Variants in LPAR1 observed in about 807,000 individuals in gnomAD.
LPAR1 encodes lysophosphatidic acid receptor 1, also known as LPA receptor 1.
Under a neutral mutation model 23.8 loss-of-function variants are expected in LPAR1, and 5 were observed. The observed-to-expected ratio is 0.21, with a 90% CI of 0.11 to 0.44. The LOEUF is 0.44. Ranked by LOEUF, LPAR1 falls within the 20% of genes least tolerant of loss-of-function variation. LPAR1 has a pLI of 0.99. For missense variants in LPAR1, 311 were observed against 482.8 expected, an observed-to-expected ratio of 0.64 and a Z score of 3.33; for synonymous variants, 160 against 164.7, an observed-to-expected ratio of 0.97 and a Z score of 0.22.
At chr9:111,025,509 T>G (rs1453925908) in intron 2 of LPAR1, among the ~76,000 whole-genome samples, 2 of 152,258 alleles carry the variant, frequency 1.3e-5, no homozygotes, top group Non-Finnish European at 2.9e-5. Context: ...CTGTTCACTC[T>G]GATGATAGTT....
At chr9:110,903,882 C>CAAAAAAAAAAAAAAAAA (rs61456167) in intron 5 of LPAR1, among the ~76,000 whole-genome samples, 1 of 77,252 alleles carries the variant, frequency 1.3e-5, no homozygotes, top group Non-Finnish European at 2.4e-5. Context: ...AAGTGAATTG[C>CAAAAAAAAAAAAAAAAA]AAAAAAAAAA....
intron 5 of LPAR1, among the ~76,000 whole-genome samples, chr9:110,928,437 T>C (rs760766713): frequency 1.3e-5 from 2 of 152,176 alleles, no homozygotes; most frequent in Non-Finnish European, 2.9e-5. Flanking sequence ...TCTGCCACTC[T>C]AAATAAGTAG....
intron 2 of LPAR1, among the ~76,000 whole-genome samples, chr9:110,976,970 C>G (rs12341928): frequency 5.9e-5 from 9 of 152,094 alleles, no homozygotes; most frequent in African/African-American, 2.2e-4. Context: ...GCCAGATTAC[C>G]AAAGAAATGA....
chr9:110,956,509 A>AAG (rs1564160370), intron 4 of LPAR1, among the ~76,000 whole-genome samples: 61 of 151,508 alleles, frequency 4.0e-4, no homozygotes, highest in African/African-American at 1.3e-3. Context: ...AGGATCAACC[A>AAG]AAGAAGTTAG....
rs1186318362 is a variant in LPAR1, at chr9:110,959,170, C to CAAAAAAAAAAAAAAAAAA, written c.45+12902_45+12903insTTTTTTTTTTTTTTTTTT. ...AAAAAACAGTATGAAGATGTCTCTA[C>CAAAAAAAAAAAAAAAAAA]AAAAAAAAAAAAAAACCACTAAAAC... is the stretch of plus-strand genomic sequence containing the variant. On this transcript the variant is annotated intron_variant, in intron 4 of 5. Coordinates refer to ENST00000683809, the MANE Select transcript of LPAR1 (RefSeq NM_001351411.2). Among the ~76,000 whole-genome samples, 14 of 81,156 alleles carry CAAAAAAAAAAAAAAAAAA rather than the reference C, an allele frequency of 1.7e-4. 1 individual carries two copies. Among genetic ancestry groups the CAAAAAAAAAAAAAAAAAA allele is most frequent in the African/African-American group, 6.2e-4 (12 of 19,318 alleles). The allele number at this position is 81,156 out of a possible 152,430, so 53.2% of individuals were successfully genotyped here.
intron 2 of LPAR1, among the ~76,000 whole-genome samples, chr9:110,993,652 T>C (rs1184376580): frequency 6.6e-6 from 1 of 152,198 alleles, no homozygotes; most frequent in African/African-American, 2.4e-5. Flanking sequence ...AATGTGTGTG[T>C]TGCACAGTGA....
intron 5 of LPAR1, among the ~76,000 whole-genome samples, chr9:110,930,981 T>C (rs1397072372): frequency 2.0e-5 from 3 of 152,150 alleles, no homozygotes; most frequent in African/African-American, 7.2e-5. Context: ...TAAGTAAATA[T>C]TGTCTGACAA....
At chr9:110,886,191 T>A in intron 5 of LPAR1, among the ~76,000 whole-genome samples, 1 of 103,438 alleles carries the variant, frequency 9.7e-6, no homozygotes. Flanking sequence ...AGAGCAAAAA[T>A]CCATCTCAAA....
intron 5 of LPAR1, among the ~76,000 whole-genome samples, chr9:110,899,626 C>A (rs1401862246): frequency 6.6e-6 from 1 of 152,130 alleles, no homozygotes; most frequent in South Asian, 2.1e-4. Context: ...AATGTGTACA[C>A]GAATCACCCA....
chr9:111,008,229 T>C (rs1394200342), intron 2 of LPAR1, among the ~76,000 whole-genome samples: 1 of 152,152 alleles, frequency 6.6e-6, no homozygotes, highest in East Asian at 1.9e-4. Context: ...TATGTCCTGC[T>C]ATTTTAAAAG....
chr9:110,930,632 G>A (rs1329190336), intron 5 of LPAR1, among the ~76,000 whole-genome samples: 2 of 152,046 alleles, frequency 1.3e-5, no homozygotes, highest in African/African-American at 2.4e-5. Flanking sequence ...AGTCAATTAA[G>A]AAAGTGAATA....
At chr9:110,991,994 C>CT (rs1405687279) in intron 2 of LPAR1, among the ~76,000 whole-genome samples, 1 of 92,594 alleles carries the variant, frequency 1.1e-5, no homozygotes, top group African/African-American at 4.5e-5. Context: ...TCTTTAAAAG[C>CT]TTGTTTTTTT....
chr9:110,962,470 G>A (rs1270573434), intron 4 of LPAR1, among the ~76,000 whole-genome samples: 1 of 152,122 alleles, frequency 6.6e-6, no homozygotes, highest in Non-Finnish European at 1.5e-5. Context: ...TCATCTAAGT[G>A]CAAATGTTTG....
chr9:110,918,519 A>T (rs550024600), intron 5 of LPAR1, among the ~76,000 whole-genome samples: 1 of 152,254 alleles, frequency 6.6e-6, no homozygotes, highest in East Asian at 1.9e-4. Context: ...ATGTGTTTCC[A>T]TGCCACTGTG....
At chr9:110,943,542 A>C (rs958659447) in intron 4 of LPAR1, among the ~76,000 whole-genome samples, 1 of 152,146 alleles carries the variant, frequency 6.6e-6, no homozygotes, top group Non-Finnish European at 1.5e-5. Flanking sequence ...ATAATTATTT[A>C]TCTCTTTACT....
intron 2 of LPAR1, among the ~76,000 whole-genome samples, chr9:110,997,979 T>C (rs2097051645): frequency 6.6e-6 from 1 of 152,214 alleles, no homozygotes; most frequent in African/African-American, 2.4e-5. Context: ...AATTGTAATA[T>C]GTGGCACACA....
At chr9:111,008,864 C>A (rs1408576804) in intron 2 of LPAR1, among the ~76,000 whole-genome samples, 1 of 152,112 alleles carries the variant, frequency 6.6e-6, no homozygotes, top group African/African-American at 2.4e-5. Flanking sequence ...AACACAAATT[C>A]TTTCTGAACT....
chr9:111,038,500 G>T (rs936593661), upstream of LPAR1: 5 of 404,020 alleles, frequency 1.2e-5, no homozygotes, highest in African/African-American at 1.1e-4. The surrounding 1 kb of genome is among the most constrained non-coding windows in gnomAD (Gnocchi z 4.4). Flanking sequence ...GCAGGAGGAG[G>T]GGGCGCAGAG....
chr9:110,989,867 T>G (rs964682808), intron 2 of LPAR1, among the ~76,000 whole-genome samples: 9 of 151,870 alleles, frequency 5.9e-5, no homozygotes, highest in Non-Finnish European at 1.3e-4. Flanking sequence ...ACTTTAAACA[T>G]GAAGACACAA....
Sources: gnomAD v4.1 joint callset for allele counts (sites outside exome capture counted in the v4.1 genomes callset) on GRCh38, gnomAD v4.1.1 for gene constraint, Gnocchi (gnomAD v3.1) non-coding constraint, MANE v1.5 for transcripts, NCBI Gene and HGNC (gene_info 2026-07-23, HGNC 2026-07-21) for gene names.